The following SMYD3 variants were observed in gnomAD, a reference collection of about 807,000 sequenced individuals.
The protein encoded by SMYD3 is histone-lysine N-methyltransferase SMYD3.
In SMYD3, 36 loss-of-function variants were observed where a neutral mutation model predicts 57.7. That is an observed-to-expected ratio of 0.62 (90% CI 0.48 to 0.82). The LOEUF is 0.82. SMYD3 is among the 40% of genes least tolerant of loss of function. The pLI is 0.00. For synonymous variants in SMYD3, 211 were observed against 195.0 expected (o/e 1.08, Z -0.68); for missense variants, 515 against 538.8 (o/e 0.96, Z 0.44).
chr1:246,034,194 A>T (rs1310936730), intron 5 of SMYD3, among the ~76,000 whole-genome samples: 1 of 152,236 alleles, frequency 6.6e-6, no homozygotes, highest in Admixed American at 6.5e-5. Context: ...TGTGGATCAA[A>T]TGAAGACGTA....
chr1:246,123,908 C>A (rs1180834167), intron 5 of SMYD3, among the ~76,000 whole-genome samples: 1 of 152,134 alleles, frequency 6.6e-6, no homozygotes. Context: ...CATCTGCTGC[C>A]ATCAGCCTTT....
intron 5 of SMYD3, among the ~76,000 whole-genome samples, chr1:245,961,447 G>GTTGAT (rs147926338): frequency 0.013 from 1,981 of 152,160 alleles, 28 homozygotes; most frequent in African/African-American, 0.04. Flanking sequence ...GCTTGCATCA[G>GTTGAT]GCACAAAGGA....
intron 5 of SMYD3, among the ~76,000 whole-genome samples, chr1:246,041,308 T>G (rs1318139725): frequency 6.6e-6 from 1 of 152,102 alleles, no homozygotes; most frequent in Non-Finnish European, 1.5e-5. Flanking sequence ...ATCCTGAGGG[T>G]GGAAAGAAGC....
At chr1:245,924,329 T>TAA (rs546158329) in intron 7 of SMYD3, among the ~76,000 whole-genome samples, 1 of 146,628 alleles carries the variant, frequency 6.8e-6, no homozygotes, top group African/African-American at 2.5e-5. Context: ...CAAAGTCAAA[T>TAA]AAAAAAAAAA....
rs568380351 is a variant in SMYD3 at position 246,201,300 on chromosome 1, C to A, written c.531+125901G>T. Among the ~76,000 whole-genome samples, 5 of 152,254 alleles carry A rather than the reference C, an allele frequency of 3.3e-5. No individual in the cohort carries two copies. The East Asian group carries it at 9.7e-4, about 29-fold the overall frequency. ...ATTGCTAATCCCTAATGGCAGTCAA[C>A]CTTATTAATAGGGGGTTAAAGCAGG... On this transcript the variant is annotated intron_variant, in intron 5 of 11. Coordinates refer to ENST00000490107, the MANE Select transcript of SMYD3 (RefSeq NM_001167740.2).
chr1:246,491,550 A>T (rs1361678697), intron 1 of SMYD3, among the ~76,000 whole-genome samples: 2 of 150,088 alleles, frequency 1.3e-5, no homozygotes, highest in African/African-American at 5.1e-5. Flanking sequence ...CAAATAAAAA[A>T]AAAAAAAAAA....
chr1:246,239,123 G>T (rs1020472806), intron 5 of SMYD3, among the ~76,000 whole-genome samples: 1 of 152,136 alleles, frequency 6.6e-6, no homozygotes. Context: ...TATACTTTAA[G>T]TTCTAAGGTA....
At chr1:246,012,767 C>T (rs935031312) in intron 5 of SMYD3, among the ~76,000 whole-genome samples, 1 of 152,144 alleles carries the variant, frequency 6.6e-6, no homozygotes, top group African/African-American at 2.4e-5. Context: ...TGTTCTGATC[C>T]TCAATTATCA....
At chr1:245,865,867 GTC>G in intron 8 of SMYD3, among the ~76,000 whole-genome samples, 1 of 152,344 alleles carries the variant, frequency 6.6e-6, no homozygotes, top group African/African-American at 2.4e-5. Context: ...CAGGTGGCTA[GTC>G]AAAGGGTAAG....
intron 5 of SMYD3, among the ~76,000 whole-genome samples, chr1:246,197,679 C>A (rs183311433): frequency 1.3e-5 from 2 of 152,070 alleles, no homozygotes; most frequent in East Asian, 3.9e-4. Context: ...GGTACAGACA[C>A]TGGGTAAAAT....
intron 1 of SMYD3, among the ~76,000 whole-genome samples, chr1:246,412,390 T>C (rs1390293010): frequency 6.6e-6 from 1 of 152,212 alleles, no homozygotes; most frequent in East Asian, 1.9e-4. Context: ...AAGAAAACCT[T>C]AACATTCTTT....
At chr1:246,092,955 G>A (rs150702682) in intron 5 of SMYD3, among the ~76,000 whole-genome samples, 1 of 151,388 alleles carries the variant, frequency 6.6e-6, no homozygotes, top group African/African-American at 2.4e-5. Context: ...CAAATTAACT[G>A]AATAAACTGA....
rs574087892 is a variant in SMYD3, at chr1:246,274,210, A to G, written c.531+52991T>C. On this transcript the variant is annotated intron_variant, in intron 5 of 11. Transcript: ENST00000490107. Reference sequence around the variant, plus strand: ...TTTGTCTTTATGTGTCCTAGAAGTCATTAGACACAAAACATGGAGTTTCAA... The same window carrying G: ...TTTGTCTTTATGTGTCCTAGAAGTCGTTAGACACAAAACATGGAGTTTCAA... Among the ~76,000 whole-genome samples, 8 of 152,340 alleles carry G rather than the reference A, an allele frequency of 5.3e-5. No individual in the cohort carries two copies. The South Asian group carries it at 1.7e-3, about 32-fold the overall frequency.
intron 1 of SMYD3, among the ~76,000 whole-genome samples, chr1:246,379,077 TACATACAC>T (rs1238307202): frequency 6.4e-4 from 43 of 66,934 alleles, no homozygotes; most frequent in African/African-American, 1.7e-3. Context: ...TACACACACA[TACATACAC>T]ACACACACAC....
At chr1:245,935,571 TC>T (rs1176616077) in intron 5 of SMYD3, among the ~76,000 whole-genome samples, 1 of 152,178 alleles carries the variant, frequency 6.6e-6, no homozygotes, top group Non-Finnish European at 1.5e-5. Flanking sequence ...ATAAGAGATA[TC>T]CGTGCTCCCA....
At chr1:246,240,905 A>T (rs111572091) in intron 5 of SMYD3, among the ~76,000 whole-genome samples, 30,605 of 150,528 alleles carry the variant, frequency 0.2, 3,815 homozygotes, top group East Asian at 0.57. Flanking sequence ...CTGTTATTGG[A>T]GTATAAGAAT....
chr1:245,983,142 G>GCCTCTCTTCACAGAGACAAT (rs2058634584), intron 5 of SMYD3, among the ~76,000 whole-genome samples: 1 of 151,946 alleles, frequency 6.6e-6, no homozygotes, highest in East Asian at 1.9e-4. Context: ...ACAGAGACAA[G>GCCTCTCTTCACAGAGACAAT]ATGCCTCATC....
At chr1:245,759,111 CTG>C (rs2045728595) in intron 11 of SMYD3, among the ~76,000 whole-genome samples, 2 of 152,182 alleles carry the variant, frequency 1.3e-5, no homozygotes, top group South Asian at 4.1e-4. Flanking sequence ...GACTTAATCA[CTG>C]TGTTTGCATT....
chr1:246,358,221 A>G (rs2065935367), intron 1 of SMYD3, among the ~76,000 whole-genome samples: 1 of 152,214 alleles, frequency 6.6e-6, no homozygotes, highest in Admixed American at 6.5e-5. Context: ...ACAAGGAGGG[A>G]CATTATATAA....
Sources: allele counts gnomAD v4.1 joint callset (sites outside exome capture counted in the v4.1 genomes callset), GRCh38; gene constraint gnomAD v4.1.1; transcripts MANE v1.5; gene names NCBI Gene and HGNC (gene_info 2026-07-23, HGNC 2026-07-21).